The following PTPRQ variants were observed in gnomAD, a reference collection of about 807,000 sequenced individuals.
The protein encoded by PTPRQ is protein tyrosine phosphatase receptor type Q, also known as phosphatidylinositol phosphatase PTPRQ.
Under a neutral mutation model 246.0 loss-of-function variants are expected in PTPRQ, and 199 were observed. The ratio of observed to expected loss-of-function variants is 0.81; its 90% CI spans 0.72 to 0.91. The LOEUF is 0.91. PTPRQ is among the 40% of genes least tolerant of loss of function. The pLI, the probability that PTPRQ is intolerant of heterozygous loss-of-function variation, is 0.00. For missense variants in PTPRQ, 2,624 were observed against 2,528.4 expected, an observed-to-expected ratio of 1.04 and a Z score of -0.81; for synonymous variants, 869 against 853.2, an observed-to-expected ratio of 1.02 and a Z score of -0.32.
chr12:80,678,759 T>C, intron 44 of PTPRQ, 34 bp downstream of exon 44: 1 of 1,524,080 alleles, frequency 6.6e-7, no homozygotes, highest in Non-Finnish European at 8.8e-7. Flanking sequence ...CCCAGCTTAC[T>C]AGTTTACCAC....
At position 80,498,888 on chromosome 12, in the gene PTPRQ, C is replaced by G. The variant is rs1193595517; in HGVS notation, c.2272+2357C>G. On this transcript the variant is annotated intron_variant, in intron 14 of 44. Transcript: ENST00000644991. ...ATTATTACATGCACATAATCTTTTA[C>G]TTAGTATTGAAAATGTAATTTTATT... 5.8e-5 allele frequency among the ~76,000 whole-genome samples: 5 copies of G among 86,370 alleles called. No individual in the cohort carries two copies. The Admixed American group carries it at 6.2e-4, about 11-fold the overall frequency. The allele number at this position is 86,370 out of a possible 152,430, so 56.7% of individuals were successfully genotyped here. A position where few individuals can be genotyped will look rare whatever the true frequency, so the allele number is the denominator to read the frequency against.
At position 80,510,364 on chromosome 12, in the gene PTPRQ, T is replaced by C. The variant is rs143156047; in HGVS notation, c.2599T>C (p.Ser867Pro). Residue 867 changes from serine to proline, a missense_variant, in exon 17 of 45, where the codon TCT becomes CCT. Coordinates refer to ENST00000644991, the MANE Select transcript of PTPRQ (RefSeq NM_001145026.2). ...TCAAGACTTCTCTGTAAAACAGTTG[T>C]CTGGTGTCACGGTGAAGTTGTCATG... ...PPQDFSVKQL[S>P]GVTVKLSWQP... is the part of the protein sequence containing the mutation. 5,255 of 1,550,436 alleles carry C rather than the reference T, an allele frequency of 3.4e-3. 24 individuals are homozygous for C. Among genetic ancestry groups the C allele is most frequent in the Non-Finnish European group, 3.8e-3 (4,320 of 1,146,124 alleles).
At chr12:80,577,906 A>C (rs2120981900) in intron 25 of PTPRQ, among the ~76,000 whole-genome samples, 1 of 152,188 alleles carries the variant, frequency 6.6e-6, no homozygotes, top group East Asian at 1.9e-4. Context: ...AATACTCCAA[A>C]ATTTCTCTGG....
chr12:80,482,572 A>T (rs1196676323), intron 8 of PTPRQ, among the ~76,000 whole-genome samples: 1 of 150,552 alleles, frequency 6.6e-6, no homozygotes, highest in Non-Finnish European at 1.5e-5. Context: ...AGAAACTACC[A>T]TCAGAGCGAA....
intron 37 of PTPRQ, among the ~76,000 whole-genome samples, chr12:80,650,386 T>C (rs1372059839): frequency 6.6e-6 from 1 of 151,988 alleles, no homozygotes; most frequent in African/African-American, 2.4e-5. Flanking sequence ...ATATCAAATC[T>C]TCAAGCTACT....
chr12:80,668,776 T>G (rs187054411), intron 39 of PTPRQ, among the ~76,000 whole-genome samples: 1 of 152,110 alleles, frequency 6.6e-6, no homozygotes, highest in East Asian at 1.9e-4. Flanking sequence ...CCTTAATGTT[T>G]TATTCAAAAG....
intron 37 of PTPRQ, among the ~76,000 whole-genome samples, chr12:80,650,614 A>G (rs560998725): frequency 6.6e-6 from 1 of 152,184 alleles, no homozygotes; most frequent in East Asian, 1.9e-4. Flanking sequence ...ATGAGAGAAG[A>G]TTAATGGTAT....
At chr12:80,455,874 C>G (rs1892966162) in intron 3 of PTPRQ, among the ~76,000 whole-genome samples, 1 of 152,050 alleles carries the variant, frequency 6.6e-6, no homozygotes, top group African/African-American at 2.4e-5. Flanking sequence ...GCTGGGATTA[C>G]AGGTGTGAGC....
chr12:80,657,582 T>C (rs1900484100), intron 38 of PTPRQ, among the ~76,000 whole-genome samples: 1 of 151,780 alleles, frequency 6.6e-6, no homozygotes, highest in African/African-American at 2.4e-5. Flanking sequence ...TAAATAATAA[T>C]AAAAGGTTAA....
At chr12:80,556,657 A>G (rs1396820732) in intron 25 of PTPRQ, among the ~76,000 whole-genome samples, 1 of 152,178 alleles carries the variant, frequency 6.6e-6, no homozygotes, top group Non-Finnish European at 1.5e-5. Flanking sequence ...TTTTATTGGA[A>G]ATATCTTGGA....
intron 27 of PTPRQ, among the ~76,000 whole-genome samples, chr12:80,609,332 G>T (rs1375484987): frequency 6.6e-6 from 1 of 150,508 alleles, no homozygotes; most frequent in Admixed American, 6.7e-5. Flanking sequence ...AGCATTAAAA[G>T]AATACATTGA....
intron 8 of PTPRQ, among the ~76,000 whole-genome samples, 182 bp from the exon 9 acceptor site, chr12:80,484,251 C>G (rs1894193309): frequency 6.6e-6 from 1 of 152,062 alleles, no homozygotes; most frequent in Non-Finnish European, 1.5e-5. Flanking sequence ...AGGTGATTGG[C>G]CTCCCTTGGC....
chr12:80,515,211 A>T (rs1188368982), intron 17 of PTPRQ, among the ~76,000 whole-genome samples: 1 of 151,972 alleles, frequency 6.6e-6, no homozygotes. Context: ...TGTAATACAC[A>T]TGGGTTTTTA....
intron 25 of PTPRQ, among the ~76,000 whole-genome samples, chr12:80,580,793 A>G (rs1488854703): frequency 6.6e-6 from 1 of 152,184 alleles, no homozygotes; most frequent in Non-Finnish European, 1.5e-5. Flanking sequence ...GTCAACAAAC[A>G]CTTATGAGTG....
At position 80,556,842 on chromosome 12, in the gene PTPRQ, G is replaced by A. The variant is rs189422122; in HGVS notation, c.4285+7108G>A. 1.8e-3 allele frequency among the ~76,000 whole-genome samples: 269 copies of A among 152,218 alleles called. 2 individuals carry two copies. The highest frequency in any genetic ancestry group is 9.6e-4 in the Non-Finnish European group (65 of 68,008). On this transcript the variant is annotated intron_variant, in intron 25 of 44. Coordinates refer to ENST00000644991, the MANE Select transcript of PTPRQ (RefSeq NM_001145026.2). ...TAGTGGAGAAAGGAATGCAGTACAAGGGGTCAGGCTGAGACCAAAGCTTGA... is the reference window on the plus strand; with the variant it reads ...TAGTGGAGAAAGGAATGCAGTACAAAGGGTCAGGCTGAGACCAAAGCTTGA...
At chr12:80,484,397 T>C (rs758243377) in intron 8 of PTPRQ, 36 bp from the exon 9 acceptor site, 6 of 1,395,286 alleles carry the variant, frequency 4.3e-6, no homozygotes, top group Non-Finnish European at 4.7e-6. Flanking sequence ...ATTTTTAATT[T>C]CCCCCTTTTC....
intron 3 of PTPRQ, among the ~76,000 whole-genome samples, chr12:80,452,715 G>T (rs1398984244): frequency 6.6e-6 from 1 of 152,198 alleles, no homozygotes; most frequent in African/African-American, 2.4e-5. Flanking sequence ...CTGGCTTCTA[G>T]AGTTTCTACT....
chr12:80,467,944 A>C (rs552393817), intron 6 of PTPRQ, among the ~76,000 whole-genome samples: 2 of 152,324 alleles, frequency 1.3e-5, no homozygotes, highest in South Asian at 2.1e-4. Context: ...CCAACATGGC[A>C]CATGTATACA....
At chr12:80,494,772 T>A (rs1417464280) in intron 10 of PTPRQ, among the ~76,000 whole-genome samples, 161 bp from the exon 11 acceptor site, 1 of 152,030 alleles carries the variant, frequency 6.6e-6, no homozygotes, top group East Asian at 1.9e-4. Context: ...AATATTTTTA[T>A]GTTTACTATT....
Sources: gnomAD v4.1 joint callset for allele counts (sites outside exome capture counted in the v4.1 genomes callset) on GRCh38, gnomAD v4.1.1 for gene constraint, MANE v1.5 for transcripts, NCBI Gene and HGNC (gene_info 2026-07-23, HGNC 2026-07-21) for gene names.